Variants in LARGE1 observed in about 807,000 individuals in gnomAD.
LARGE1 encodes the protein LARGE xylosyl- and glucuronyltransferase 1, also known as xylosyl- and glucuronyltransferase LARGE1.
A neutral mutation model predicts 87.6 loss-of-function variants in LARGE1; 43 were observed. That is an observed-to-expected ratio of 0.49 (90% CI 0.38 to 0.63). The LOEUF (loss-of-function observed/expected upper bound fraction) is 0.63, where lower values mean the gene tolerates loss of function less well. Ranked by LOEUF, LARGE1 falls within the 30% of genes least tolerant of loss-of-function variation. The pLI is 0.00. For synonymous variants in LARGE1, 434 were observed against 394.6 expected, an observed-to-expected ratio of 1.10 and a Z score of -1.18; for missense variants, 802 against 1,000.2, an observed-to-expected ratio of 0.80 and a Z score of 2.67.
intron 1 of LARGE1, among the ~76,000 whole-genome samples, chr22:33,914,145 T>G (rs1480560578): frequency 6.6e-6 from 1 of 152,170 alleles, no homozygotes; most frequent in Non-Finnish European, 1.5e-5. Context: ...ACTTCAGATC[T>G]CCTCTTTCCT....
At chr22:33,517,052 G>A (rs1241960665) in intron 6 of LARGE1, among the ~76,000 whole-genome samples, 1 of 152,202 alleles carries the variant, frequency 6.6e-6, no homozygotes, top group Non-Finnish European at 1.5e-5. Flanking sequence ...GGGACGAGGA[G>A]TGTGAATAAT....
intron 11 of LARGE1, among the ~76,000 whole-genome samples, chr22:33,170,459 T>C (rs1188010441): frequency 1.3e-5 from 2 of 152,144 alleles, no homozygotes; most frequent in Non-Finnish European, 2.9e-5. Flanking sequence ...CCAAATCTCA[T>C]CTGGAATTGT....
chr22:33,429,164 G>T (rs1456793452), intron 7 of LARGE1, among the ~76,000 whole-genome samples: 1 of 151,960 alleles, frequency 6.6e-6, no homozygotes, highest in Non-Finnish European at 1.5e-5. Flanking sequence ...CTCCAGGGTC[G>T]TCCTCAGTTT....
intron 11 of LARGE1, among the ~76,000 whole-genome samples, chr22:33,210,065 C>T (rs540401729): frequency 6.6e-6 from 1 of 152,358 alleles, no homozygotes; most frequent in East Asian, 1.9e-4. Context: ...GGGTGGGACC[C>T]AGGCATCAGT....
chr22:33,255,165 T>A (rs1352070016), intron 11 of LARGE1, among the ~76,000 whole-genome samples: 2 of 152,284 alleles, frequency 1.3e-5, no homozygotes, highest in East Asian at 1.9e-4. Context: ...CTTGAGCTCC[T>A]GACCTCAAGT....
intron 11 of LARGE1, among the ~76,000 whole-genome samples, chr22:33,240,314 T>C (rs765888508): frequency 5.9e-5 from 9 of 152,254 alleles, no homozygotes; most frequent in Non-Finnish European, 1.2e-4. Flanking sequence ...TCTTTGCTCA[T>C]TTTTATTAGA....
At chr22:33,242,853 T>A (rs1033176432) in intron 11 of LARGE1, among the ~76,000 whole-genome samples, 2 of 152,156 alleles carry the variant, frequency 1.3e-5, no homozygotes. Context: ...GCCTGCCCCA[T>A]GTTTCTACAC....
intron 9 of LARGE1, among the ~76,000 whole-genome samples, chr22:33,361,613 G>A (rs1395802974): frequency 6.7e-6 from 1 of 148,506 alleles, no homozygotes. Flanking sequence ...AGATGGGGAA[G>A]GAAGAGAGTT....
intron 5 of LARGE1, among the ~76,000 whole-genome samples, chr22:33,597,543 C>T (rs2079012154): frequency 6.6e-6 from 1 of 152,148 alleles, no homozygotes; most frequent in African/African-American, 2.4e-5. Context: ...GAGACCAGCA[C>T]AAAGGCAATT....
chr22:33,113,256 G>A, the LARGE1 span, among the ~76,000 whole-genome samples: 8 of 145,178 alleles, frequency 5.5e-5, no homozygotes, highest in African/African-American at 2.0e-4. Flanking sequence ...TGCCCAGGCT[G>A]GAGTGCAATG....
intron 6 of LARGE1, among the ~76,000 whole-genome samples, chr22:33,534,007 C>T (rs1352901813): frequency 1.3e-5 from 2 of 151,540 alleles, no homozygotes; most frequent in Non-Finnish European, 1.5e-5. Context: ...GCTTTTCCTC[C>T]AATGTTTACT....
At chr22:33,513,478 A>G (rs1457712675) in intron 6 of LARGE1, among the ~76,000 whole-genome samples, 2 of 152,144 alleles carry the variant, frequency 1.3e-5, no homozygotes, top group African/African-American at 2.4e-5. Flanking sequence ...AGGGTCCTGA[A>G]TCTTACAAAT....
intron 2 of LARGE1, among the ~76,000 whole-genome samples, chr22:33,687,898 GTAAACATAATACAATGT>G (rs1292117702): frequency 1.2e-4 from 18 of 152,140 alleles, no homozygotes; most frequent in African/African-American, 4.3e-4. Context: ...TCTCTTGATG[GTAAACATAATACAATGT>G]CATACCTACA....
the LARGE1 span, among the ~76,000 whole-genome samples, chr22:33,093,376 A>G: frequency 2.6e-5 from 4 of 152,220 alleles, no homozygotes; most frequent in African/African-American, 9.6e-5. Context: ...TTTATTTAAC[A>G]TGCATGGGGA....
chr22:33,715,119 C>T (rs975811316), intron 2 of LARGE1, among the ~76,000 whole-genome samples: 1 of 152,124 alleles, frequency 6.6e-6, no homozygotes, highest in African/African-American at 2.4e-5. Flanking sequence ...GAATTAGGGT[C>T]GTTCCTTCAA....
At position 33,476,698 on chromosome 22, in the gene LARGE1, C is replaced by A. The variant is rs2069094182; in HGVS notation, c.788-44433G>T. Among the ~76,000 whole-genome samples the A allele has an allele frequency of 2.0e-5, 3 of 148,004 alleles. No individual in the cohort carries two copies. In the South Asian group the frequency reaches 6.4e-4, roughly 32 times the overall value. On this transcript the variant is annotated intron_variant, in intron 6 of 14. Transcript: ENST00000397394. ...TGGTTCTCTTCCCTATCCCACTGCA[C>A]CCCGCCCCCCAGCCCAAAGAATACT...
chr22:33,640,601 G>C (rs573817090), intron 3 of LARGE1, among the ~76,000 whole-genome samples: 1 of 152,138 alleles, frequency 6.6e-6, no homozygotes, highest in Admixed American at 6.5e-5. Flanking sequence ...CACTCCCCTG[G>C]AAAGGGGGCT....
intron 1 of LARGE1, among the ~76,000 whole-genome samples, chr22:33,798,693 C>A (rs28714114): frequency 0.061 from 9,271 of 152,160 alleles, 953 homozygotes; most frequent in African/African-American, 0.21. Context: ...CATTCAGGTC[C>A]CTGCACCCCA....
intron 4 of LARGE1, among the ~76,000 whole-genome samples, chr22:33,611,917 C>A (rs1413747243): frequency 6.6e-6 from 1 of 152,140 alleles, no homozygotes; most frequent in Non-Finnish European, 1.5e-5. Flanking sequence ...TGGCACCTCC[C>A]ACCCTCTCTC....
Sources: gnomAD v4.1 joint callset for allele counts (sites outside exome capture counted in the v4.1 genomes callset) on GRCh38, gnomAD v4.1.1 for gene constraint, MANE v1.5 for transcripts, NCBI Gene and HGNC (gene_info 2026-07-23, HGNC 2026-07-21) for gene names.